Variants in ZNF728 observed in about 807,000 individuals in gnomAD.
ZNF728 encodes the protein zinc finger protein 728.
ZNF728 carries 12 observed loss-of-function variants against 12.5 expected under a neutral mutation model. That is an observed-to-expected ratio of 0.96 (90% confidence interval 0.61 to 1.55). The LOEUF (loss-of-function observed/expected upper bound fraction) is 1.55, where lower values mean the gene tolerates loss of function less well. Ranked by LOEUF, ZNF728 falls within the 40% of genes most tolerant of loss-of-function variation. The pLI, the probability that ZNF728 is intolerant of heterozygous loss-of-function variation, is 0.00. For synonymous variants in ZNF728, 205 were observed against 240.7 expected (o/e 0.85, Z 1.37); for missense variants, 692 against 719.2 (o/e 0.96, Z 0.43).
intron 2 of ZNF728, 48 bp from the exon 3 acceptor site, chr19:22,987,451 T>C: frequency 2.0e-6 from 3 of 1,528,900 alleles, no homozygotes; most frequent in Non-Finnish European, 2.6e-6. Context: ...TATTCTCCAA[T>C]TAACAACTTA....
chr19:22,976,025 T>A lies in ZNF728; in HGVS notation c.1312A>T (p.Ser438Cys). Residue 438 changes from serine (S) to cysteine (C), a missense_variant, in exon 4 of 4, where the codon AGC (serine) becomes TGC (cysteine). Coordinates refer to ENST00000594710, the MANE Select transcript of ZNF728 (RefSeq NM_001267716.2). ...TGAATTACTTTATGTTTAGTAAGGCTCGAAAATGTAGTAAAGGCTTTGCCA... is the reference window on the plus strand; with the variant it reads ...TGAATTACTTTATGTTTAGTAAGGCACGAAAATGTAGTAAAGGCTTTGCCA... ...ECGKAFTTFS[S>C]LTKHKVIHTG... 6.3e-7 allele frequency: 1 copy of A among 1,590,040 alleles called. No individual in the cohort carries two copies. Among genetic ancestry groups the A allele is most frequent in the Non-Finnish European group, 8.6e-7 (1 of 1,164,830 alleles).
intron 1 of ZNF728, 102 bp downstream of exon 1, chr19:23,002,926 T>C (rs754813409): frequency 3.2e-5 from 47 of 1,466,702 alleles, no homozygotes; most frequent in East Asian, 4.9e-5. Context: ...GCACAGATTG[T>C]GGAGCTGACT....
rs1324786725 is a variant in ZNF728 at position 22,975,830 on chromosome 19, T to C, written c.1507A>G (p.Thr503Ala). The change falls in exon 4 of 4, where the codon ACT becomes GCT. Residue 503 changes from threonine to alanine, a missense_variant. Physicochemically the swap from Thr to Ala is moderately conservative, Grantham distance 58. Transcript: ENST00000594710. Reference sequence around the variant, plus strand: ...TCACATTTGTAGGGTTTCTCTCCAGTATGAATTCTCTTATGTTCCATAAGG... The same window carrying C: ...TCACATTTGTAGGGTTTCTCTCCAGCATGAATTCTCTTATGTTCCATAAGG... ...SNLMEHKRIH[T>A]GEKPYKCEEC... The C allele has an allele frequency of 1.2e-5, 19 of 1,611,776 alleles. No individual in the cohort carries two copies. Among genetic ancestry groups the C allele is most frequent in the Admixed American group, 5.0e-5 (3 of 59,894 alleles).
chr19:22,988,249 G>A, intron 2 of ZNF728, 76 bp downstream of exon 2: 1 of 1,608,278 alleles, frequency 6.2e-7, no homozygotes, highest in East Asian at 2.2e-5. Context: ...ATCCTCCTTT[G>A]TCCAGGCCAA....
In ZNF728 at chr19:22,976,653, G is replaced by A; in HGVS notation, c.684C>T (p.Cys228=). 1 of 1,611,814 alleles carries A rather than the reference G, an allele frequency of 6.2e-7. No homozygotes were observed. The change falls in exon 4 of 4, where the codon TGC becomes TGT. Residue 228 remains cysteine, a synonymous_variant. Transcript: ENST00000594710. Reference sequence around the variant, plus strand: ...AGGCTTTGCCACATTCTTCACATTTGCAGGGTTTCTCTCCAGTATGAATTC... The same window carrying A: ...AGGCTTTGCCACATTCTTCACATTTACAGGGTTTCTCTCCAGTATGAATTC... ...YKRIHTGEKP[C]KCEECGKAFS... is the part of the protein sequence containing the mutation.
chr19:22,977,268 C>G (rs1207390679), intron 3 of ZNF728, among the ~76,000 whole-genome samples, 158 bp from the exon 4 acceptor site: 2 of 152,130 alleles, frequency 1.3e-5, no homozygotes, highest in Non-Finnish European at 2.9e-5. Flanking sequence ...TAAAAGCATA[C>G]AGACCAAAAT....
At chr19:22,989,605 C>T (rs898301616) in intron 1 of ZNF728, among the ~76,000 whole-genome samples, 4 of 151,592 alleles carry the variant, frequency 2.6e-5, no homozygotes, top group African/African-American at 9.7e-5. Flanking sequence ...CCTGATGCAC[C>T]CAGAAGGATA....
At chr19:22,977,312 T>A (rs1265468243) in intron 3 of ZNF728, among the ~76,000 whole-genome samples, 2 of 152,156 alleles carry the variant, frequency 1.3e-5, no homozygotes, top group Middle Eastern at 3.4e-3. Flanking sequence ...GAGTTAAGTG[T>A]GTACAGTGTC....
At chr19:22,995,399 C>T (rs1432076738) in intron 1 of ZNF728, 1 of 151,900 alleles carries the variant, frequency 6.6e-6, no homozygotes, top group Admixed American at 6.6e-5. Context: ...GCAAGAGAAA[C>T]AGGAGCATTA....
chr19:22,978,916 A>C (rs1403188407), intron 3 of ZNF728, among the ~76,000 whole-genome samples: 1 of 152,226 alleles, frequency 6.6e-6, no homozygotes, highest in Admixed American at 6.5e-5. Context: ...CCAGTGTAAA[A>C]AGGCTGAAAA....
intron 3 of ZNF728, among the ~76,000 whole-genome samples, chr19:22,978,401 A>G (rs1394614107): frequency 6.6e-6 from 1 of 152,214 alleles, no homozygotes; most frequent in Non-Finnish European, 1.5e-5. Flanking sequence ...AATTCACAAA[A>G]AGTATATCGG....
In ZNF728 at chr19:22,976,730, T is replaced by A. The variant is rs1223541883; in HGVS notation, c.607A>T (p.Ser203Cys). 1 of 1,613,312 alleles carries A rather than the reference T, an allele frequency of 6.2e-7. No individual in the cohort carries two copies. Among genetic ancestry groups the A allele is most frequent in the Admixed American group, 1.7e-5 (1 of 59,892 alleles). Residue 203 changes from serine (S) to cysteine (C), a missense_variant, in exon 4 of 4, where the codon AGT becomes TGT. Around this residue, in one of 3 missense-constraint regions of ZNF728, gnomAD observed 440 missense variants for 459.6 expected, o/e 0.96. Coordinates refer to ENST00000594710, the MANE Select transcript of ZNF728 (RefSeq NM_001267716.2). Reference protein sequence around the residue: ...RIYTRENSYKSEEHGKAFNWS... With the variant: ...RIYTRENSYKCEEHGKAFNWS... ...TTAAAGGCTTTGCCATGTTCTTCAC[T>A]TTTGTAGGAATTCTCTCTAGTATAA...
chr19:22,993,371 A>G (rs1164659801), intron 1 of ZNF728, among the ~76,000 whole-genome samples: 1 of 152,186 alleles, frequency 6.6e-6, no homozygotes, highest in African/African-American at 2.4e-5. Context: ...AATCAACCTC[A>G]CTCTGCATTT....
chr19:22,986,407 C>T, intron 3 of ZNF728, among the ~76,000 whole-genome samples: 1 of 147,618 alleles, frequency 6.8e-6, no homozygotes, highest in Admixed American at 6.6e-5. Flanking sequence ...TTAAAATACA[C>T]TCAGTAAATT....
intron 1 of ZNF728, among the ~76,000 whole-genome samples, chr19:23,001,385 T>C (rs1228255953): frequency 6.6e-6 from 1 of 152,252 alleles, no homozygotes; most frequent in Non-Finnish European, 1.5e-5. Flanking sequence ...TGCATTCACC[T>C]GCTCTCTTGA....
chr19:22,980,096 G>A (rs1280706343), intron 3 of ZNF728, among the ~76,000 whole-genome samples: 1 of 151,080 alleles, frequency 6.6e-6, no homozygotes, highest in African/African-American at 2.4e-5. Context: ...CCATCTAAGT[G>A]CTGTATTCAA....
At chr19:22,981,419 G>A (rs1968860411) in intron 3 of ZNF728, among the ~76,000 whole-genome samples, 1 of 152,160 alleles carries the variant, frequency 6.6e-6, no homozygotes, top group African/African-American at 2.4e-5. Flanking sequence ...TCCAGGACCT[G>A]ATGGATTCAC....
intron 3 of ZNF728, among the ~76,000 whole-genome samples, chr19:22,982,146 C>A (rs1968867306): frequency 6.6e-6 from 1 of 152,200 alleles, no homozygotes; most frequent in Non-Finnish European, 1.5e-5. Flanking sequence ...CCCAAAATCT[C>A]TTTAAGCTGA....
rs775644516 is a variant in ZNF728, at chr19:22,976,813, C to T, written c.524G>A (p.Cys175Tyr). ...GCAAAATGATCTGACATATTCTTTA[C>T]ATTTCAAAAGTTTCTTTCCAGTATG... ...IRHTGKKLLK[C>Y]KEYVRSFCML... Residue 175 changes from cysteine to tyrosine, a missense_variant, in exon 4 of 4, where the codon TGT (cysteine) becomes TAT (tyrosine). Coordinates refer to ENST00000594710, the MANE Select transcript of ZNF728 (RefSeq NM_001267716.2). The T allele has an allele frequency of 5.0e-6, 8 of 1,613,406 alleles. No individual in the cohort carries two copies. The South Asian group carries it at 8.8e-5, about 18-fold the overall frequency.
Sources: allele counts gnomAD v4.1 joint callset (sites outside exome capture counted in the v4.1 genomes callset), GRCh38; gene constraint gnomAD v4.1.1; regional missense constraint gnomAD v4.1.1; transcripts MANE v1.5; gene names NCBI Gene and HGNC (gene_info 2026-07-23, HGNC 2026-07-21).